CHST8: variants seen among roughly 807,000 people sequenced by gnomAD.
The protein encoded by CHST8 is GALNAC-4-ST1.
In CHST8, 10 loss-of-function variants were observed where a neutral mutation model predicts 15.0. The observed-to-expected ratio is 0.67, with a 90% CI of 0.41 to 1.13. The LOEUF (loss-of-function observed/expected upper bound fraction) is 1.13, where lower values mean the gene tolerates loss of function less well. CHST8 is among the 50% of genes most tolerant of loss of function. CHST8 has a pLI of 0.00. For missense variants in CHST8, 634 were observed against 608.2 expected (o/e 1.04, Z -0.45); for synonymous variants, 259 against 256.6 (o/e 1.01, Z -0.09).
intron 2 of CHST8, among the ~76,000 whole-genome samples, chr19:33,671,695 C>A (rs950440444): frequency 3.9e-5 from 6 of 152,040 alleles, no homozygotes; most frequent in Admixed American, 3.9e-4. Context: ...TGGCCTCAAG[C>A]TCTCCCAGTC....
intron 2 of CHST8, among the ~76,000 whole-genome samples, chr19:33,686,543 C>T (rs532195383): frequency 2.6e-5 from 4 of 152,296 alleles, no homozygotes; most frequent in Admixed American, 1.3e-4. Context: ...CACATGCTCC[C>T]GAGTCCCCTT....
At chr19:33,771,829 A>G (rs1974989258) in intron 4 of CHST8, 128 bp from the exon 5 acceptor site, 2 of 1,151,596 alleles carry the variant, frequency 1.7e-6, no homozygotes, top group African/African-American at 1.6e-5. Context: ...GGTCTCACCT[A>G]CAGAGTCAGC....
chr19:33,623,136 G>T (rs928241079), intron 1 of CHST8, among the ~76,000 whole-genome samples: 1 of 152,182 alleles, frequency 6.6e-6, no homozygotes, highest in South Asian at 2.1e-4. Context: ...TCCAGTGCGG[G>T]ACTCCCGCCG....
At chr19:33,625,033 C>T (rs568673700) in intron 1 of CHST8, among the ~76,000 whole-genome samples, 6 of 151,764 alleles carry the variant, frequency 4.0e-5, no homozygotes, top group Non-Finnish European at 8.8e-5. Context: ...CGTGGGGCAG[C>T]GGGGAACCTG....
chr19:33,659,258 T>C (rs527781667), intron 1 of CHST8, among the ~76,000 whole-genome samples: 14 of 151,948 alleles, frequency 9.2e-5, no homozygotes, highest in African/African-American at 3.1e-4. Flanking sequence ...AGAGATGGGG[T>C]TTCACCATGT....
rs753846248 is a variant in CHST8 at position 33,772,000 on chromosome 19, C to T, written c.212C>T (p.Pro71Leu). 2 of 1,598,054 alleles carry T rather than the reference C, an allele frequency of 1.3e-6. No homozygotes were observed. The highest frequency in any genetic ancestry group is 1.8e-5 in the Admixed American group (1 of 55,592). Residue 71 changes from proline (P) to leucine (L), a missense_variant, in exon 5 of 5, where the codon CCC becomes CTC. Transcript: ENST00000650847. ...GGSQDGDLKE[P>L]TERVTRDLSS... is the part of the protein sequence containing the mutation. ...TCCCAGGATGGTGACTTGAAGGAAC[C>T]CACAGAGAGGGTCACTCGGGACTTA...
In CHST8 at chr19:33,622,993, G is replaced by T. The variant is rs1179281165; in HGVS notation, c.-164+697G>T. Among the ~76,000 whole-genome samples the T allele has an allele frequency of 3.3e-5, 5 of 152,140 alleles. No homozygotes were observed. The South Asian group carries it at 6.2e-4, about 19-fold the overall frequency. ...CGGGACCGAGCCGAGCTCTGACGGC[G>T]GCTGCAACTCCGGCTACCGACTCTG... On this transcript the variant is annotated intron_variant, in intron 1 of 4. Coordinates refer to ENST00000650847, the MANE Select transcript of CHST8 (RefSeq NM_001127895.2).
intron 1 of CHST8, among the ~76,000 whole-genome samples, chr19:33,666,357 C>T (rs563750794): frequency 2.0e-4 from 30 of 152,324 alleles, no homozygotes; most frequent in African/African-American, 5.3e-4. Flanking sequence ...ACAAGGACTC[C>T]GCTGTCTCCT....
At chr19:33,670,786 G>C (rs925001966) in intron 2 of CHST8, among the ~76,000 whole-genome samples, 1 of 152,146 alleles carries the variant, frequency 6.6e-6, no homozygotes, top group African/African-American at 2.4e-5. Context: ...GGGGGGCTCT[G>C]TTCATCTCCC....
At chr19:33,668,731 C>A (rs747775976) in intron 2 of CHST8, among the ~76,000 whole-genome samples, 2 of 152,018 alleles carry the variant, frequency 1.3e-5, no homozygotes, top group Non-Finnish European at 2.9e-5. Context: ...AAAGGCTTTT[C>A]ATCTTTTCCT....
intron 1 of CHST8, among the ~76,000 whole-genome samples, chr19:33,628,730 G>A (rs757447522): frequency 1.3e-5 from 2 of 152,164 alleles, no homozygotes; most frequent in Non-Finnish European, 2.9e-5. Context: ...CACCATTCAC[G>A]CCATCTGTCT....
At chr19:33,644,951 T>C (rs546539629) in intron 1 of CHST8, among the ~76,000 whole-genome samples, 2 of 152,270 alleles carry the variant, frequency 1.3e-5, no homozygotes, top group South Asian at 4.1e-4. Context: ...CCTGGGCGAT[T>C]GTATTCCCAG....
At chr19:33,692,765 G>A (rs1474605197) in intron 3 of CHST8, among the ~76,000 whole-genome samples, 3 of 152,084 alleles carry the variant, frequency 2.0e-5, no homozygotes, top group African/African-American at 4.8e-5. Flanking sequence ...ACATTTGGTC[G>A]AGCAAACTGA....
At chr19:33,758,242 C>G (rs1253172806) in intron 3 of CHST8, among the ~76,000 whole-genome samples, 1 of 151,920 alleles carries the variant, frequency 6.6e-6, no homozygotes. Context: ...TGGGGGTGGG[C>G]CTGGAACTGT....
intron 3 of CHST8, among the ~76,000 whole-genome samples, chr19:33,717,774 G>A (rs190937230): frequency 1.3e-5 from 2 of 152,176 alleles, no homozygotes; most frequent in Admixed American, 6.5e-5. Flanking sequence ...GTCTTAGCCA[G>A]CTTGGTCCAC....
intron 3 of CHST8, among the ~76,000 whole-genome samples, chr19:33,718,483 TC>T (rs1407456821): frequency 5.9e-5 from 9 of 152,154 alleles, no homozygotes; most frequent in African/African-American, 9.7e-5. Flanking sequence ...AAGGCAGTCT[TC>T]CCCGCACTCC....
chr19:33,629,112 G>A (rs747781503), intron 1 of CHST8, among the ~76,000 whole-genome samples: 14 of 152,180 alleles, frequency 9.2e-5, no homozygotes, highest in Middle Eastern at 3.2e-3. Context: ...CTGCTCGACG[G>A]CCAGACCCAT....
At chr19:33,662,753 G>T (rs1407457632) in intron 1 of CHST8, among the ~76,000 whole-genome samples, 1 of 152,164 alleles carries the variant, frequency 6.6e-6, no homozygotes, top group Non-Finnish European at 1.5e-5. Flanking sequence ...CCCAGCTCTG[G>T]GTTCTGCCTG....
chr19:33,642,234 G>C (rs2145201755), intron 1 of CHST8, among the ~76,000 whole-genome samples: 1 of 152,298 alleles, frequency 6.6e-6, no homozygotes, highest in Admixed American at 6.5e-5. Flanking sequence ...GCTGGGCTCT[G>C]TGTGCCTCTG....
Sources: allele counts gnomAD v4.1 joint callset (sites outside exome capture counted in the v4.1 genomes callset), GRCh38; gene constraint gnomAD v4.1.1; transcripts MANE v1.5; gene names NCBI Gene and HGNC (gene_info 2026-07-23, HGNC 2026-07-21).